TTC7B: variants seen among roughly 807,000 people sequenced by gnomAD.
TTC7B encodes the protein tetratricopeptide repeat protein 7B.
TTC7B carries 28 observed loss-of-function variants against 106.8 expected under a neutral mutation model. The ratio of observed to expected loss-of-function variants is 0.26; its 90% CI spans 0.19 to 0.36. The LOEUF (loss-of-function observed/expected upper bound fraction) is 0.36, where lower values mean the gene tolerates loss of function less well. TTC7B is among the 10% of genes least tolerant of loss of function. TTC7B has a pLI of 1.00. For synonymous variants in TTC7B, 405 were observed against 430.6 expected (o/e 0.94, Z 0.74); for missense variants, 862 against 1,076.4 (o/e 0.80, Z 2.79).
At position 90,816,413 on chromosome 14, in the gene TTC7B, G is replaced by T; in HGVS notation, c.-118C>A. The T allele has an allele frequency of 2.0e-6, 1 of 498,008 alleles. No homozygotes were observed. Among genetic ancestry groups the T allele is most frequent in the Non-Finnish European group, 2.6e-6 (1 of 388,212 alleles). The allele number at this position is 498,008 out of a possible 1,614,324, so 30.8% of individuals were successfully genotyped here. A position where few individuals can be genotyped will look rare whatever the true frequency, so the allele number is the denominator to read the frequency against. Reference sequence around the variant, plus strand: ...GGGCTCCGGCTCCCGGCTCCGCGGCGTAACGGGAGCGCCGGCTGGGGAAGG... The same window carrying T: ...GGGCTCCGGCTCCCGGCTCCGCGGCTTAACGGGAGCGCCGGCTGGGGAAGG... On this transcript the variant is annotated 5_prime_UTR_variant, in exon 1 of 20. Coordinates refer to ENST00000328459, the MANE Select transcript of TTC7B (RefSeq NM_001010854.2).
intron 18 of TTC7B, among the ~76,000 whole-genome samples, chr14:90,581,872 C>T (rs557622037): frequency 6.6e-6 from 1 of 152,228 alleles, no homozygotes; most frequent in East Asian, 1.9e-4. Context: ...GCTCCCTTCA[C>T]GTGATGGGGA....
At position 90,798,709 on chromosome 14, in the gene TTC7B, CAAAAAAAAAA is replaced by C. The variant is rs36223089; in HGVS notation, c.122-12391_122-12382del. ...TGGGCGACAGAGTGAGACTCCATCT[CAAAAAAAAAA>C]AAAAAAAAAAAAACACGCAATAACA... On this transcript the variant is annotated intron_variant, in intron 1 of 19. Transcript: ENST00000328459. Among the ~76,000 whole-genome samples, 7 of 52,314 alleles carry C rather than the reference CAAAAAAAAAA, an allele frequency of 1.3e-4. No individual in the cohort carries two copies. The South Asian group carries it at 3.6e-3, about 27-fold the overall frequency. 34.3% of individuals were successfully genotyped at this position (52,314 alleles called of 152,430 possible). A position where few individuals can be genotyped will look rare whatever the true frequency, so the allele number is the denominator to read the frequency against.
chr14:90,617,839 T>C (rs1049679738), intron 16 of TTC7B, 90 bp downstream of exon 16: 1 of 1,000,164 alleles, frequency 1.0e-6, no homozygotes, highest in Admixed American at 1.8e-5. Context: ...GGTGACAGAG[T>C]TAATGCCTGC....
At chr14:90,634,248 A>T (rs1019184482) in intron 15 of TTC7B, among the ~76,000 whole-genome samples, 2 of 152,142 alleles carry the variant, frequency 1.3e-5, no homozygotes, top group Non-Finnish European at 2.9e-5. Context: ...TTAACTTTTC[A>T]TCCTTTTGTT....
chr14:90,592,735 C>T (rs559115090), intron 18 of TTC7B, among the ~76,000 whole-genome samples: 179 of 151,434 alleles, frequency 1.2e-3, no homozygotes, highest in African/African-American at 4.0e-3. Context: ...CTGGACACTG[C>T]ATTTATTTTT....
intron 1 of TTC7B, among the ~76,000 whole-genome samples, chr14:90,792,238 G>A (rs1042484068): frequency 6.6e-6 from 1 of 152,100 alleles, no homozygotes; most frequent in South Asian, 2.1e-4. Flanking sequence ...GGGGGAATGC[G>A]CCAGAGTCGT....
intron 1 of TTC7B, among the ~76,000 whole-genome samples, chr14:90,796,222 G>T (rs987781394): frequency 6.6e-6 from 1 of 152,172 alleles, no homozygotes; most frequent in South Asian, 2.1e-4. Context: ...ATTCTCAGGG[G>T]ACAGGGGTAA....
At chr14:90,798,090 T>C (rs147625379) in intron 1 of TTC7B, among the ~76,000 whole-genome samples, 3 of 152,258 alleles carry the variant, frequency 2.0e-5, no homozygotes, top group African/African-American at 4.8e-5. Context: ...ACTTTTTCCC[T>C]CTTGCTTCTC....
chr14:90,636,097 G>A (rs1884929499), intron 15 of TTC7B, among the ~76,000 whole-genome samples: 1 of 151,134 alleles, frequency 6.6e-6, no homozygotes. Flanking sequence ...CTACAGCCTG[G>A]GCAACAGAGT....
chr14:90,708,536 A>T (rs1314696853), intron 5 of TTC7B, among the ~76,000 whole-genome samples: 5 of 152,220 alleles, frequency 3.3e-5, no homozygotes, highest in Admixed American at 3.3e-4. Context: ...ACATCTGTTT[A>T]CAGCATGGTT....
chr14:90,573,595 G>A (rs556311590), intron 19 of TTC7B, among the ~76,000 whole-genome samples: 6 of 149,148 alleles, frequency 4.0e-5, no homozygotes, highest in African/African-American at 1.2e-4. Context: ...TCCGGCTCAC[G>A]GTCCCTCTCA....
In TTC7B at chr14:90,744,906, C is replaced by A; in HGVS notation, c.462G>T (p.Lys154Asn). The A allele has an allele frequency of 1.2e-6, 2 of 1,613,428 alleles. No homozygotes were observed. Among genetic ancestry groups the A allele is most frequent in the Non-Finnish European group, 1.7e-6 (2 of 1,179,914 alleles). The change falls in exon 4 of 20, where the codon AAG (lysine) becomes AAT (asparagine). Residue 154 changes from lysine to asparagine, a missense_variant. Transcript: ENST00000328459. ...AYATKGLCLE[K>N]LPISSSTSNL... is the part of the protein sequence containing the mutation. Reference sequence around the variant, plus strand: ...TACTGGTAGAAGAAGAAATAGGCAGCTTCTCCAAACAAAGTCCTTAAAAAA... The same window carrying A: ...TACTGGTAGAAGAAGAAATAGGCAGATTCTCCAAACAAAGTCCTTAAAAAA...
chr14:90,617,799 G>A lies in TTC7B; in HGVS notation c.1868+130C>T, dbSNP rs1206135924. 4.3e-6 allele frequency: 3 copies of A among 697,810 alleles called. No homozygotes were observed. In the East Asian group the frequency reaches 7.7e-5, roughly 18 times the overall value. The allele number at this position is 697,810 out of a possible 1,614,324, so 43.2% of individuals were successfully genotyped here. A position where few individuals can be genotyped will look rare whatever the true frequency, so the allele number is the denominator to read the frequency against. On this transcript the variant is annotated intron_variant, in intron 16 of 19. Transcript: ENST00000328459. Reference sequence around the variant, plus strand: ...GTGTGAAGCTCCACTGCTATCATCTGCCACTTGTGGGGGCCTGGAGGTGCA... The same window carrying A: ...GTGTGAAGCTCCACTGCTATCATCTACCACTTGTGGGGGCCTGGAGGTGCA...
rs144650789 is a variant in TTC7B, at chr14:90,588,044, C to T, written c.2107+5442G>A. On this transcript the variant is annotated intron_variant, in intron 18 of 19. Transcript: ENST00000328459. Reference sequence around the variant, plus strand: ...CAGTGTGTGGTAAACGTTAGCTGGACGGGCTTGACCCTCAGGGACGTCGTG... The same window carrying T: ...CAGTGTGTGGTAAACGTTAGCTGGATGGGCTTGACCCTCAGGGACGTCGTG... Among the ~76,000 whole-genome samples the T allele has an allele frequency of 1.9e-3, 286 of 152,328 alleles. 2 individuals are homozygous for T. Among genetic ancestry groups the T allele is most frequent in the Admixed American group, 4.8e-3 (73 of 15,310 alleles).
At chr14:90,729,970 A>G in intron 5 of TTC7B, 105 bp downstream of exon 5, 1 of 1,224,894 alleles carries the variant, frequency 8.2e-7, no homozygotes, top group Non-Finnish European at 1.1e-6. Context: ...ATGGTAGTTC[A>G]TATTTAAAAT....
chr14:90,635,160 C>T (rs572008388), intron 15 of TTC7B, among the ~76,000 whole-genome samples: 1 of 152,154 alleles, frequency 6.6e-6, no homozygotes, highest in South Asian at 2.1e-4. Flanking sequence ...GCCAAGTACA[C>T]TTTTAGATAC....
chr14:90,604,419 T>C (rs927968080), intron 17 of TTC7B, among the ~76,000 whole-genome samples: 4 of 152,200 alleles, frequency 2.6e-5, no homozygotes, highest in Non-Finnish European at 5.9e-5. Context: ...TTCAGAACAC[T>C]TAATATGCAG....
rs1426141811 is a variant in TTC7B at position 90,802,140 on chromosome 14, C to G, written c.121+14035G>C. Among the ~76,000 whole-genome samples the G allele has an allele frequency of 6.6e-6, 1 of 152,060 alleles. No homozygotes were observed. The highest frequency in any genetic ancestry group is 1.9e-4 in the East Asian group (1 of 5,190). ...TAAGATCACAGACTAGCCATTAGAC[C>G]TGGCAGCACACGGGCCACATCAGAG... is the stretch of plus-strand genomic sequence containing the variant. On this transcript the variant is annotated intron_variant, in intron 1 of 19. Coordinates refer to ENST00000328459, the MANE Select transcript of TTC7B (RefSeq NM_001010854.2). This position sits in a 1 kb window ranked among gnomAD's most constrained non-coding sequence, Gnocchi z 4.7.
intron 5 of TTC7B, among the ~76,000 whole-genome samples, chr14:90,714,018 G>C (rs1240021337): frequency 6.6e-6 from 1 of 152,060 alleles, no homozygotes; most frequent in Non-Finnish European, 1.5e-5. Context: ...ACCTGAGGTC[G>C]GGAGTTCGAG....
Sources: gnomAD v4.1 joint callset for allele counts (sites outside exome capture counted in the v4.1 genomes callset) on GRCh38, gnomAD v4.1.1 for gene constraint, Gnocchi (gnomAD v3.1) non-coding constraint, MANE v1.5 for transcripts, NCBI Gene and HGNC (gene_info 2026-07-23, HGNC 2026-07-21) for gene names.